The following ACOX3 variants were observed in gnomAD, a reference collection of about 807,000 sequenced individuals.
ACOX3 encodes the protein acyl-CoA oxidase 3, pristanoyl.
Under a neutral mutation model 81.5 loss-of-function variants are expected in ACOX3, and 73 were observed. The observed-to-expected ratio is 0.90, with a 90% CI of 0.74 to 1.09. The LOEUF (loss-of-function observed/expected upper bound fraction) is 1.09, where lower values mean the gene tolerates loss of function less well. Among genes scored for constraint, ACOX3 ranks in the 50% least tolerant of loss-of-function variants. ACOX3 has a pLI of 0.00. For synonymous variants in ACOX3, 387 were observed against 375.1 expected (o/e 1.03, Z -0.37); for missense variants, 947 against 928.0 (o/e 1.02, Z -0.27).
At chr4:8,356,563 C>CCA in the ACOX3 span, 5 of 456,518 alleles carry the variant, frequency 1.1e-5, no homozygotes, top group South Asian at 7.7e-5. Flanking sequence ...GAAAGGAAAA[C>CCA]CACACACACG....
intron 5 of ACOX3, among the ~76,000 whole-genome samples, chr4:8,411,589 G>A (rs1057227982): frequency 2.6e-5 from 4 of 152,270 alleles, no homozygotes; most frequent in Admixed American, 6.5e-5. Context: ...CTCATTCTCC[G>A]CAGTGCAGGT....
rs1718321063 is a variant in ACOX3, at chr4:8,386,526, A to G, written c.1537+2647T>C. ...GCTTGCAGTGAGCCGAGATCATACC[A>G]CTGCACTCCAGCCTGGGCGACAGAG... is the stretch of plus-strand genomic sequence containing the variant. On this transcript the variant is annotated intron_variant, in intron 13 of 17. Coordinates refer to ENST00000356406, the MANE Select transcript of ACOX3 (RefSeq NM_003501.3). The surrounding 1 kb of genome is among the most constrained non-coding windows in gnomAD (Gnocchi z 5.2). 3.3e-5 allele frequency among the ~76,000 whole-genome samples: 5 copies of G among 150,410 alleles called. No homozygotes were observed. The South Asian group carries it at 1.1e-3, about 32-fold the overall frequency.
At position 8,405,825 on chromosome 4, in the gene ACOX3, G is replaced by T; in HGVS notation, c.776+130C>A. 3.2e-6 allele frequency: 3 copies of T among 938,336 alleles called. No homozygotes were observed. Among genetic ancestry groups the T allele is most frequent in the Non-Finnish European group, 3.4e-6 (2 of 586,262 alleles). The allele number at this position is 938,336 out of a possible 1,614,324, so 58.1% of individuals were successfully genotyped here. A position where few individuals can be genotyped will look rare whatever the true frequency, so the allele number is the denominator to read the frequency against. On this transcript the variant is annotated intron_variant, in intron 7 of 17. Transcript: ENST00000356406. The surrounding 1 kb of genome is among the most constrained non-coding windows in gnomAD (Gnocchi z 7.1). ...GTGCATGCACGGGGGCTAGGCGTAG[G>T]TCCCCACCGCATTTGAGTCTAAGAG...
In ACOX3 at chr4:8,400,308, T is replaced by C. The variant is rs141053123; in HGVS notation, c.777-656A>G. ...TAAAAGCATTGTGTATATGGTAAGTTGTACTCCAAGTACAGAACTCCAGAT... is the reference window on the plus strand; with the variant it reads ...TAAAAGCATTGTGTATATGGTAAGTCGTACTCCAAGTACAGAACTCCAGAT... On this transcript the variant is annotated intron_variant, in intron 7 of 17. Coordinates refer to ENST00000356406, the MANE Select transcript of ACOX3 (RefSeq NM_003501.3). This position sits in a 1 kb window ranked among gnomAD's most constrained non-coding sequence, Gnocchi z 4.4. Among the ~76,000 whole-genome samples, 2 of 152,008 alleles carry C rather than the reference T, an allele frequency of 1.3e-5. No homozygotes were observed. Among genetic ancestry groups the C allele is most frequent in the Non-Finnish European group, 2.9e-5 (2 of 68,000 alleles).
At chr4:8,390,767 G>C (rs1455423184) in intron 11 of ACOX3, among the ~76,000 whole-genome samples, 1 of 152,126 alleles carries the variant, frequency 6.6e-6, no homozygotes, top group Non-Finnish European at 1.5e-5. Flanking sequence ...TGGATCCTGA[G>C]AGCATGAAAG....
intron 1 of ACOX3, among the ~76,000 whole-genome samples, chr4:8,428,923 G>A (rs1723777215): frequency 6.6e-6 from 1 of 152,210 alleles, no homozygotes. Context: ...AGAGCTTGCT[G>A]AAGTTTGAGA....
At chr4:8,369,260 C>T (rs1296195170) in intron 17 of ACOX3, among the ~76,000 whole-genome samples, 1 of 152,126 alleles carries the variant, frequency 6.6e-6, no homozygotes, top group East Asian at 1.9e-4. Flanking sequence ...TGCCTGTCTG[C>T]CTGGTGAGCC....
rs1358984794 is a variant in ACOX3 at position 8,389,566 on chromosome 4, C to T, written c.1423+46G>A. 12 of 1,611,602 alleles carry T rather than the reference C, an allele frequency of 7.4e-6. No individual in the cohort carries two copies. Among genetic ancestry groups the T allele is most frequent in the African/African-American group, 1.3e-5 (1 of 74,896 alleles). On this transcript the variant is annotated intron_variant, in intron 12 of 17. Coordinates refer to ENST00000356406, the MANE Select transcript of ACOX3 (RefSeq NM_003501.3). The surrounding 1 kb of genome is among the most constrained non-coding windows in gnomAD (Gnocchi z 5.3). ...TGAGGCCAGGAGAACCCACCCCTGC[C>T]CCAGTTGGGTTCCAGCGCCCCCACC...
rs576128814 is a variant in ACOX3 at position 8,388,869 on chromosome 4, G to C, written c.1537+304C>G. ...GGCAGGGGGCAGAGGCTGCTTAGTG[G>C]ACAGAGACCAGGCCAGGTGGCCTCT... On this transcript the variant is annotated intron_variant, in intron 13 of 17. Transcript: ENST00000356406. Among the ~76,000 whole-genome samples the C allele has an allele frequency of 5.3e-5, 8 of 152,322 alleles. No individual in the cohort carries two copies. The East Asian group carries it at 1.5e-3, about 29-fold the overall frequency.
At chr4:8,355,848 C>T in the ACOX3 span, 1 of 153,406 alleles carries the variant, frequency 6.5e-6, no homozygotes, top group South Asian at 2.1e-4. Context: ...ATTTTCAAAA[C>T]TAAATGCCTT....
Position 8,414,991 on chromosome 4 carries a change from C to T in ACOX3, c.379-63G>A. On this transcript the variant is annotated intron_variant, in intron 3 of 17. Transcript: ENST00000356406. This position sits in a 1 kb window ranked among gnomAD's most constrained non-coding sequence, Gnocchi z 6.1. The stretch of plus-strand genomic sequence containing the variant: ...TAAGAAGAGTACTGCTCTTCCGGAA[C>T]ATCACAACAGACAACGGCACTCAAC... The T allele has an allele frequency of 2.0e-6, 3 of 1,466,012 alleles. No individual in the cohort carries two copies. Among genetic ancestry groups the T allele is most frequent in the Non-Finnish European group, 2.9e-6 (3 of 1,045,730 alleles). The allele number at this position is 1,466,012 out of a possible 1,614,324, so 90.8% of individuals were successfully genotyped here.
In ACOX3 at chr4:8,412,000, G is replaced by A. The variant is rs539085929; in HGVS notation, c.544-1645C>T. On this transcript the variant is annotated intron_variant, in intron 5 of 17. Coordinates refer to ENST00000356406, the MANE Select transcript of ACOX3 (RefSeq NM_003501.3). The stretch of plus-strand genomic sequence containing the variant: ...TTAGGGATCAAATGCCAAAAAGAAG[G>A]AGGTGGAAATGGGAAGTGGTCCTCT... Among the ~76,000 whole-genome samples the A allele has an allele frequency of 5.3e-5, 8 of 152,322 alleles. No homozygotes were observed. The South Asian group carries it at 1.7e-3, about 32-fold the overall frequency.
intron 14 of ACOX3, among the ~76,000 whole-genome samples, chr4:8,377,269 C>G (rs1483356874): frequency 6.6e-6 from 1 of 152,206 alleles, no homozygotes; most frequent in Non-Finnish European, 1.5e-5. Flanking sequence ...CCACTCTCCC[C>G]GTCGCCTGCA....
chr4:8,427,392 T>C (rs766671010), intron 1 of ACOX3, among the ~76,000 whole-genome samples: 1 of 152,190 alleles, frequency 6.6e-6, no homozygotes, highest in Non-Finnish European at 1.5e-5. Flanking sequence ...AGCTGAGCTT[T>C]TGCTTGCCAT....
In ACOX3 at chr4:8,389,277, C is replaced by T; in HGVS notation, c.1433G>A (p.Cys478Tyr). Reference protein sequence around the residue: ...LLAHQVHDGACFRSPLKSVDF... With the variant: ...LLAHQVHDGAYFRSPLKSVDF... ...CACTGACTTCAGCGGACTGCGGAAGCAAGCTCCATCTAGGACACACATTCC... is the reference window on the plus strand; with the variant it reads ...CACTGACTTCAGCGGACTGCGGAAGTAAGCTCCATCTAGGACACACATTCC... Residue 478 changes from cysteine to tyrosine, a missense_variant, in exon 13 of 18, where the codon TGC becomes TAC. Physicochemically the swap from Cys to Tyr is radical, Grantham distance 194 (BLOSUM62 -2). Transcript: ENST00000356406. This position sits in a 1 kb window ranked among gnomAD's most constrained non-coding sequence, Gnocchi z 5.3. 1 of 1,612,568 alleles carries T rather than the reference C, an allele frequency of 6.2e-7. No individual in the cohort carries two copies. Among genetic ancestry groups the T allele is most frequent in the Non-Finnish European group, 8.5e-7 (1 of 1,179,358 alleles).
At chr4:8,434,282 G>A (rs902660849) in intron 1 of ACOX3, among the ~76,000 whole-genome samples, 2 of 152,254 alleles carry the variant, frequency 1.3e-5, no homozygotes, top group Non-Finnish European at 2.9e-5. Context: ...GGGGGGCTCC[G>A]CTCTTAAGCC....
chr4:8,364,513 C>T (rs79811931), downstream of ACOX3, among the ~76,000 whole-genome samples: 3 of 94,292 alleles, frequency 3.2e-5, no homozygotes, highest in Non-Finnish European at 7.1e-5. This position sits in a 1 kb window ranked among gnomAD's most constrained non-coding sequence, Gnocchi z 5.0. Context: ...ATGGTGACAT[C>T]GTGGCATCGC....
At chr4:8,371,742 A>G (rs1187647760) in intron 16 of ACOX3, among the ~76,000 whole-genome samples, 1 of 152,272 alleles carries the variant, frequency 6.6e-6, no homozygotes, top group Non-Finnish European at 1.5e-5. Context: ...CACGTGCCTC[A>G]GCACAGAGGC....
At chr4:8,372,237 G>A (rs565697312) in intron 16 of ACOX3, among the ~76,000 whole-genome samples, 3 of 152,278 alleles carry the variant, frequency 2.0e-5, no homozygotes, top group Non-Finnish European at 4.4e-5. Flanking sequence ...TGGGACTACA[G>A]GCATGTGCCA....
Sources: gnomAD v4.1 joint callset for allele counts (sites outside exome capture counted in the v4.1 genomes callset) on GRCh38, gnomAD v4.1.1 for gene constraint, Gnocchi (gnomAD v3.1) non-coding constraint, MANE v1.5 for transcripts, NCBI Gene and HGNC (gene_info 2026-07-23, HGNC 2026-07-21) for gene names.